MFSD2A: variants seen among roughly 807,000 people sequenced by gnomAD.
MFSD2A encodes the protein MFSD2 lysolipid transporter A, lysophospholipid.
Under a neutral mutation model 64.7 loss-of-function variants are expected in MFSD2A, and 27 were observed. That is an observed-to-expected ratio of 0.42 (90% CI 0.31 to 0.58). The LOEUF (loss-of-function observed/expected upper bound fraction) is 0.58, where lower values mean the gene tolerates loss of function less well. MFSD2A is among the 20% of genes least tolerant of loss of function. MFSD2A has a pLI of 0.18. For synonymous variants in MFSD2A, 258 were observed against 273.4 expected (o/e 0.94, Z 0.55); for missense variants, 474 against 679.5 (o/e 0.70, Z 3.36).
Position 39,969,694 on chromosome 1 carries a change from C to G in MFSD2A, c.*126C>G. On this transcript the variant is annotated 3_prime_UTR_variant, in exon 14 of 14. Transcript: ENST00000372811. Reference sequence around the variant, plus strand: ...GGAACTGAAGACTCAAGGAGGTGGCCCAGGACACTTGCTGTGCTCACTGTG... The same window carrying G: ...GGAACTGAAGACTCAAGGAGGTGGCGCAGGACACTTGCTGTGCTCACTGTG... 2 of 916,802 alleles carry G rather than the reference C, an allele frequency of 2.2e-6. No homozygotes were observed. Among genetic ancestry groups the G allele is most frequent in the South Asian group, 1.6e-5 (1 of 63,542 alleles). The allele number at this position is 916,802 out of a possible 1,614,324, so 56.8% of individuals were successfully genotyped here.
At chr1:39,962,690 C>A in intron 3 of MFSD2A, 1 of 780,550 alleles carries the variant, frequency 1.3e-6, no homozygotes, top group East Asian at 2.6e-5. Context: ...GCCGAAGCTG[C>A]GGAGCTTGCT....
At chr1:39,962,687 C>A in intron 3 of MFSD2A, 1 of 779,112 alleles carries the variant, frequency 1.3e-6, no homozygotes, top group Non-Finnish European at 2.2e-6. Context: ...CGGGCCGAAG[C>A]TGCGGAGCTT....
At chr1:39,966,716 G>T in intron 7 of MFSD2A, 25 bp downstream of exon 7, 2 of 1,613,240 alleles carry the variant, frequency 1.2e-6, no homozygotes, top group East Asian at 4.5e-5. Flanking sequence ...GGGAAGGGGT[G>T]CAGGCCTCAG....
chr1:39,965,742 C>T lies in MFSD2A; in HGVS notation c.557-115C>T. On this transcript the variant is annotated intron_variant, in intron 5 of 13. Coordinates refer to ENST00000372811, the MANE Select transcript of MFSD2A (RefSeq NM_032793.5). This position sits in a 1 kb window ranked among gnomAD's most constrained non-coding sequence, Gnocchi z 5.5. ...GTTCAAACCAAGGTGTCACCTACCC[C>T]ACTACCTCTACCCACCCTGCCTGGA... 1 of 1,389,736 alleles carries T rather than the reference C, an allele frequency of 7.2e-7. No individual in the cohort carries two copies. The highest frequency in any genetic ancestry group is 1.0e-6 in the Non-Finnish European group (1 of 1,002,224). The allele number at this position is 1,389,736 out of a possible 1,614,324, so 86.1% of individuals were successfully genotyped here. A position where few individuals can be genotyped will look rare whatever the true frequency, so the allele number is the denominator to read the frequency against.
rs199882211 is a variant in MFSD2A, at chr1:39,958,655, C to T, written c.229-46C>T. 9.9e-5 allele frequency: 160 copies of T among 1,613,920 alleles called. No individual in the cohort carries two copies. Among genetic ancestry groups the T allele is most frequent in the Middle Eastern group, 1.6e-4 (1 of 6,080 alleles). On this transcript the variant is annotated intron_variant, in intron 2 of 13. Coordinates refer to ENST00000372811, the MANE Select transcript of MFSD2A (RefSeq NM_032793.5). This position sits in a 1 kb window ranked among gnomAD's most constrained non-coding sequence, Gnocchi z 4.7. ...TTCTGCCTACCAGTGAGAGTTGAGG[C>T]GAGTAGAAGGATGAGGAAGTTGTCT...
chr1:39,969,878 C>T lies in MFSD2A; in HGVS notation c.*310C>T, dbSNP rs1022387565. The T allele has an allele frequency of 1.9e-5, 8 of 423,904 alleles. No individual in the cohort carries two copies. Among genetic ancestry groups the T allele is most frequent in the African/African-American group, 1.3e-4 (6 of 47,642 alleles). The allele number at this position is 423,904 out of a possible 1,614,324, so 26.3% of individuals were successfully genotyped here. A position where few individuals can be genotyped will look rare whatever the true frequency, so the allele number is the denominator to read the frequency against. On this transcript the variant is annotated 3_prime_UTR_variant, in exon 14 of 14. Coordinates refer to ENST00000372811, the MANE Select transcript of MFSD2A (RefSeq NM_032793.5). The stretch of plus-strand genomic sequence containing the variant: ...CAGAGCCTAATTAATAACTTAATGA[C>T]TGTGTACATAGCAATGTGTGTGTAT...
Position 39,966,923 on chromosome 1 carries a change from G to A in MFSD2A, c.918G>A (p.Leu306=). ...TTACTGGCTTCCTCTTCACCTCCTT[G>A]GCTTTCATGGTGAGTGGGTTCTGAC... ...KLITGFLFTS[L]AFMLVEGNFV... Residue 306 remains leucine, a synonymous_variant, in exon 8 of 14, where the codon TTG becomes TTA. Coordinates refer to ENST00000372811, the MANE Select transcript of MFSD2A (RefSeq NM_032793.5). The A allele has an allele frequency of 6.2e-7, 1 of 1,613,290 alleles. No individual in the cohort carries two copies. The highest frequency in any genetic ancestry group is 8.5e-7 in the Non-Finnish European group (1 of 1,180,026).
At position 39,967,952 on chromosome 1, in the gene MFSD2A, C is replaced by T. The variant is rs751609452; in HGVS notation, c.1208+36C>T. ...ACAGGCCCCCCTCCTCGGGTATCTC[C>T]AGCCCCTAGTCCCCAGTTTTGAAGC... On this transcript the variant is annotated intron_variant, in intron 11 of 13. Transcript: ENST00000372811. 1.2e-5 allele frequency: 16 copies of T among 1,351,644 alleles called. No homozygotes were observed. The East Asian group carries it at 2.8e-4, about 23-fold the overall frequency. 83.7% of individuals were successfully genotyped at this position (1,351,644 alleles called of 1,614,324 possible).
chr1:39,962,646 C>A, intron 3 of MFSD2A: 1 of 842,162 alleles, frequency 1.2e-6, no homozygotes, highest in Non-Finnish European at 1.9e-6. Flanking sequence ...CAGTGGCATC[C>A]GGGGCCGGGG....
Position 39,955,903 on chromosome 1 carries a change from C to T in MFSD2A, c.93+518C>T, listed in dbSNP as rs376159352. The T allele has an allele frequency of 3.4e-4, 76 of 226,062 alleles. 1 individual carries two copies. The highest frequency in any genetic ancestry group is 1.7e-3 in the African/African-American group (74 of 42,456). The allele number at this position is 226,062 out of a possible 1,614,324, so 14.0% of individuals were successfully genotyped here. On this transcript the variant is annotated intron_variant, in intron 1 of 13. Coordinates refer to ENST00000372811, the MANE Select transcript of MFSD2A (RefSeq NM_032793.5). The surrounding 1 kb of genome is among the most constrained non-coding windows in gnomAD (Gnocchi z 5.9). Reference sequence around the variant, plus strand: ...CTGAATGTGGATGTTCGCGCGGGAACGGTGCTTTGCGCATCGAGACCATCG... The same window carrying T: ...CTGAATGTGGATGTTCGCGCGGGAATGGTGCTTTGCGCATCGAGACCATCG...
chr1:39,969,533 G>T lies in MFSD2A; in HGVS notation c.1558G>T (p.Glu520Ter). 1 of 1,598,934 alleles carries T rather than the reference G, an allele frequency of 6.3e-7. No individual in the cohort carries two copies. The highest frequency in any genetic ancestry group is 2.3e-5 in the East Asian group (1 of 43,704). Residue 520 changes from glutamate to a stop codon, truncating the protein, a stop_gained, in exon 14 of 14, where the codon GAA (glutamate) becomes TAA (stop). Transcript: ENST00000372811. LOFTEE classifies it high-confidence loss of function. ...RDEASSSGCSETDSTELASIL is the reference protein window; with the variant it reads ...RDEASSSGCS ...CGAGGCCAGCAGCTCTGGCTGCTCA[G>T]AAACAGACTCCACAGAGCTGGCTAG... is the stretch of plus-strand genomic sequence containing the variant.
At chr1:39,966,196 G>C (rs1441091614) in intron 6 of MFSD2A, among the ~76,000 whole-genome samples, 182 bp downstream of exon 6, 1 of 152,236 alleles carries the variant, frequency 6.6e-6, no homozygotes, top group African/African-American at 2.4e-5. Context: ...TAGAGAGGCT[G>C]AATAAGTTGC....
Position 39,960,723 on chromosome 1 carries a change from G to C in MFSD2A, c.353+1898G>C, listed in dbSNP as rs1570242502. On this transcript the variant is annotated intron_variant, in intron 3 of 13. Coordinates refer to ENST00000372811, the MANE Select transcript of MFSD2A (RefSeq NM_032793.5). The surrounding 1 kb of genome is among the most constrained non-coding windows in gnomAD (Gnocchi z 4.8). The stretch of plus-strand genomic sequence containing the variant: ...AGTGTTTGACAAAGGCTGATGAGGA[G>C]CTCTTGTTCCCTGAGGAGACAGAGT... Among the ~76,000 whole-genome samples the C allele has an allele frequency of 6.6e-6, 1 of 152,390 alleles. No individual in the cohort carries two copies. The highest frequency in any genetic ancestry group is 1.5e-5 in the Non-Finnish European group (1 of 68,048).
rs774969723 is a variant in MFSD2A at position 39,968,358 on chromosome 1, C to T, written c.1233C>T (p.Asp411=). The T allele has an allele frequency of 2.3e-5, 37 of 1,614,040 alleles. No individual in the cohort carries two copies. The highest frequency in any genetic ancestry group is 5.5e-5 in the South Asian group (5 of 91,088). Residue 411 remains aspartate (D), a synonymous_variant, in exon 12 of 14, where the codon GAC becomes GAT. Transcript: ENST00000372811. This position sits in a 1 kb window ranked among gnomAD's most constrained non-coding sequence, Gnocchi z 4.4. ...LPWSMLPDVI[D]DFHLKQPHFH... is the part of the protein sequence containing the mutation. ...GGTCCATGCTGCCTGATGTCATTGA[C>T]GACTTCCATCTGAAGCAGCCCCACT...
At position 39,965,756 on chromosome 1, in the gene MFSD2A, A is replaced by C. The variant is rs1570254948; in HGVS notation, c.557-101A>C. On this transcript the variant is annotated intron_variant, in intron 5 of 13. Coordinates refer to ENST00000372811, the MANE Select transcript of MFSD2A (RefSeq NM_032793.5). This position sits in a 1 kb window ranked among gnomAD's most constrained non-coding sequence, Gnocchi z 5.5. ...GTCACCTACCCCACTACCTCTACCCACCCTGCCTGGAGCTACCGCTGGGCT... is the reference window on the plus strand; with the variant it reads ...GTCACCTACCCCACTACCTCTACCCCCCCTGCCTGGAGCTACCGCTGGGCT... 3.4e-6 allele frequency: 5 copies of C among 1,485,994 alleles called. No individual in the cohort carries two copies. The highest frequency in any genetic ancestry group is 4.6e-6 in the Non-Finnish European group (5 of 1,084,008). 92.1% of individuals were successfully genotyped at this position (1,485,994 alleles called of 1,614,324 possible). A position where few individuals can be genotyped will look rare whatever the true frequency, so the allele number is the denominator to read the frequency against.
At position 39,957,206 on chromosome 1, in the gene MFSD2A, A is replaced by G; in HGVS notation, c.213A>G (p.Leu71=). 6.2e-7 allele frequency: 1 copy of G among 1,601,086 alleles called. No homozygotes were observed. Among genetic ancestry groups the G allele is most frequent in the Non-Finnish European group, 8.5e-7 (1 of 1,173,020 alleles). The change falls in exon 2 of 14, where the codon CTA becomes CTG. Residue 71 remains leucine, a synonymous_variant. Transcript: ENST00000372811. The part of the protein sequence containing the change: ...CALGFFLQIY[L]LDVAQVGPFS... ...TGGGTTTCTTCCTTCAGATCTACCT[A>G]TTGGATGTGGCTCAGGTGAGTGGTC...
In MFSD2A at chr1:39,967,632, C is replaced by A; in HGVS notation, c.1016C>A (p.Ser339Ter). 6.2e-7 allele frequency: 1 copy of A among 1,614,094 alleles called. No homozygotes were observed. Among genetic ancestry groups the A allele is most frequent in the Non-Finnish European group, 8.5e-7 (1 of 1,179,992 alleles). Residue 339 changes from serine to a stop codon, truncating the protein, a stop_gained, in exon 10 of 14, where the codon TCG becomes TAG. Coordinates refer to ENST00000372811, the MANE Select transcript of MFSD2A (RefSeq NM_032793.5). LOFTEE classifies it high-confidence loss of function. ...FQNLLLAIML[S>*]ATLTIPIWQW... ...ACCCCCTTTGTCCATCCACAGCTCT[C>A]GGCCACTTTAACCATTCCCATCTGG...
At position 39,968,353 on chromosome 1, in the gene MFSD2A, A is replaced by G; in HGVS notation, c.1228A>G (p.Ile410Val). The change falls in exon 12 of 14, where the codon ATT (isoleucine) becomes GTT (valine). Residue 410 changes from isoleucine to valine, a missense_variant. By Grantham distance (29) the Ile-to-Val change is conservative. Coordinates refer to ENST00000372811, the MANE Select transcript of MFSD2A (RefSeq NM_032793.5). This position sits in a 1 kb window ranked among gnomAD's most constrained non-coding sequence, Gnocchi z 4.4. Reference protein sequence around the residue: ...LLPWSMLPDVIDDFHLKQPHF... With the variant: ...LLPWSMLPDVVDDFHLKQPHF... ...GCGCAGGTCCATGCTGCCTGATGTC[A>G]TTGACGACTTCCATCTGAAGCAGCC... The G allele has an allele frequency of 6.2e-7, 1 of 1,614,120 alleles. No homozygotes were observed. The highest frequency in any genetic ancestry group is 1.1e-5 in the South Asian group (1 of 91,080).
At chr1:39,962,042 A>G (rs1371209421) in intron 3 of MFSD2A, among the ~76,000 whole-genome samples, 1 of 152,174 alleles carries the variant, frequency 6.6e-6, no homozygotes, top group Non-Finnish European at 1.5e-5. Flanking sequence ...TGTCCCAAAC[A>G]CTGTTTGACA....
Sources: allele counts gnomAD v4.1 joint callset (sites outside exome capture counted in the v4.1 genomes callset), GRCh38; gene constraint gnomAD v4.1.1; non-coding constraint Gnocchi (gnomAD v3.1); transcripts MANE v1.5; gene names NCBI Gene and HGNC (gene_info 2026-07-23, HGNC 2026-07-21).